The following MTUS2 variants were observed in gnomAD, a reference collection of about 807,000 sequenced individuals.
MTUS2 encodes the protein microtubule-associated tumor suppressor candidate 2.
Under a neutral mutation model 114.1 loss-of-function variants are expected in MTUS2, and 40 were observed. The observed-to-expected ratio is 0.35, with a 90% CI of 0.27 to 0.46. MTUS2 has a LOEUF of 0.46. MTUS2 is among the 20% of genes least tolerant of loss of function. The pLI is 1.00. For missense variants in MTUS2, 1,679 were observed against 1,705.4 expected (o/e 0.98, Z 0.27); for synonymous variants, 688 against 672.0 (o/e 1.02, Z -0.37).
chr13:28,953,595 G>C (rs1304572596), intron 2 of MTUS2, among the ~76,000 whole-genome samples: 3 of 152,132 alleles, frequency 2.0e-5, no homozygotes. Flanking sequence ...AACTTTGCTT[G>C]TGATATCTTT....
intron 2 of MTUS2, among the ~76,000 whole-genome samples, chr13:28,950,106 C>T (rs535924155): frequency 3.9e-5 from 6 of 152,284 alleles, no homozygotes; most frequent in South Asian, 2.1e-4. Context: ...ACATCCTTGC[C>T]CACACTTGTT....
chr13:29,059,176 C>G (rs1326124762), intron 4 of MTUS2, among the ~76,000 whole-genome samples: 1 of 147,906 alleles, frequency 6.8e-6, no homozygotes, highest in Non-Finnish European at 1.5e-5. Context: ...CTGGTTCTTT[C>G]TCATCTGTGT....
intron 6 of MTUS2, among the ~76,000 whole-genome samples, chr13:29,293,004 T>C (rs1050706233): frequency 8.5e-4 from 130 of 152,340 alleles, no homozygotes; most frequent in African/African-American, 3.0e-3. Context: ...ACTTTAATTA[T>C]GTGTCTTAAT....
intron 8 of MTUS2, among the ~76,000 whole-genome samples, chr13:29,372,833 T>C (rs967362975): frequency 6.6e-6 from 1 of 152,194 alleles, no homozygotes; most frequent in Non-Finnish European, 1.5e-5. Flanking sequence ...AAGATCTCAG[T>C]TGAGTTCCAG....
chr13:28,885,835 G>A (rs1039985496), intron 2 of MTUS2, among the ~76,000 whole-genome samples: 2 of 152,222 alleles, frequency 1.3e-5, no homozygotes, highest in Non-Finnish European at 2.9e-5. Context: ...CAAAATCAAG[G>A]AAAACAAGTA....
At chr13:29,395,122 A>T (rs147348588) in intron 8 of MTUS2, among the ~76,000 whole-genome samples, 129 of 152,316 alleles carry the variant, frequency 8.5e-4, no homozygotes, top group African/African-American at 2.9e-3. Flanking sequence ...CTGTCATGAG[A>T]TGCTATACTA....
chr13:29,171,085 T>C (rs1893537310), intron 5 of MTUS2, among the ~76,000 whole-genome samples: 1 of 152,028 alleles, frequency 6.6e-6, no homozygotes, highest in Admixed American at 6.6e-5. Context: ...AAAGATAACC[T>C]GGAAACACAG....
intron 2 of MTUS2, among the ~76,000 whole-genome samples, chr13:28,936,836 G>C (rs1200346206): frequency 2.0e-5 from 3 of 152,212 alleles, no homozygotes; most frequent in African/African-American, 7.2e-5. Context: ...TGTGGTGGAG[G>C]AAAGTGTGCA....
intron 5 of MTUS2, among the ~76,000 whole-genome samples, chr13:29,220,656 G>T (rs959291284): frequency 2.0e-5 from 3 of 152,164 alleles, no homozygotes; most frequent in African/African-American, 7.2e-5. Context: ...TATGGTTTTT[G>T]TGTTGCCTCA....
chr13:29,277,625 T>C (rs1318015552), intron 5 of MTUS2, among the ~76,000 whole-genome samples: 2 of 152,190 alleles, frequency 1.3e-5, no homozygotes, highest in Non-Finnish European at 2.9e-5. Flanking sequence ...ACAGTGGATA[T>C]TTGTTCATCA....
intron 4 of MTUS2, among the ~76,000 whole-genome samples, chr13:29,037,566 A>G (rs971206809): frequency 6.6e-5 from 10 of 152,182 alleles, no homozygotes; most frequent in African/African-American, 2.2e-4. Context: ...CTGTCTTGCT[A>G]GGTTGGGGAA....
At chr13:28,894,289 G>GGAGA (rs1282557810) in intron 2 of MTUS2, among the ~76,000 whole-genome samples, 31 of 11,788 alleles carry the variant, frequency 2.6e-3, no homozygotes, top group African/African-American at 5.2e-3. Context: ...TGGGGGGGGG[G>GGAGA]GAGAGAGAGA....
intron 2 of MTUS2, among the ~76,000 whole-genome samples, chr13:29,017,951 A>T (rs1000963878): frequency 1.3e-5 from 2 of 152,268 alleles, no homozygotes; most frequent in African/African-American, 4.8e-5. Flanking sequence ...TAACTATTTT[A>T]GATGTACGTG....
chr13:28,916,709 A>T (rs541866264), intron 2 of MTUS2, among the ~76,000 whole-genome samples: 2 of 151,816 alleles, frequency 1.3e-5, no homozygotes, highest in South Asian at 4.1e-4. Context: ...TATGTCATCT[A>T]CAAACAAAAA....
chr13:28,895,927 T>C (rs548915839), intron 2 of MTUS2, among the ~76,000 whole-genome samples: 1 of 152,310 alleles, frequency 6.6e-6, no homozygotes, highest in South Asian at 2.1e-4. Context: ...GGAAGTTCTA[T>C]TGGATAATGT....
chr13:29,428,719 A>C (rs1876755225), intron 8 of MTUS2: 5 of 1,530,750 alleles, frequency 3.3e-6, no homozygotes, highest in Non-Finnish European at 4.4e-6. Flanking sequence ...AGCCAAGGGA[A>C]CCACATGGAA....
At chr13:28,882,883 AAATG>A (rs1878375254) in intron 2 of MTUS2, among the ~76,000 whole-genome samples, 1 of 152,238 alleles carries the variant, frequency 6.6e-6, no homozygotes, top group Non-Finnish European at 1.5e-5. Context: ...GACTGGAAGA[AAATG>A]TTTGTAATCC....
At chr13:28,867,945 G>C (rs1385052756) in intron 2 of MTUS2, among the ~76,000 whole-genome samples, 3 of 152,184 alleles carry the variant, frequency 2.0e-5, no homozygotes. Flanking sequence ...TTAATGTCCT[G>C]AGATAGCTGT....
At chr13:28,865,593 A>G (rs922871521) in intron 2 of MTUS2, among the ~76,000 whole-genome samples, 1 of 152,194 alleles carries the variant, frequency 6.6e-6, no homozygotes, top group Non-Finnish European at 1.5e-5. Context: ...AGTATCCATC[A>G]TGGGCTGCAC....
Sources: gnomAD v4.1 joint callset for allele counts (sites outside exome capture counted in the v4.1 genomes callset) on GRCh38, gnomAD v4.1.1 for gene constraint, MANE v1.5 for transcripts, NCBI Gene and HGNC (gene_info 2026-07-23, HGNC 2026-07-21) for gene names.